The following TRERF1 variants were observed in gnomAD, a reference collection of about 807,000 sequenced individuals.
TRERF1 encodes the protein transcriptional regulating factor 1.
Under a neutral mutation model 122.9 loss-of-function variants are expected in TRERF1, and 27 were observed. The ratio of observed to expected loss-of-function variants is 0.22; its 90% CI spans 0.16 to 0.30. The LOEUF (loss-of-function observed/expected upper bound fraction) is 0.30. Among genes scored for constraint, TRERF1 ranks in the 10% least tolerant of loss-of-function variants. TRERF1 has a pLI of 1.00. For missense variants in TRERF1, 1,248 were observed against 1,560.3 expected, an observed-to-expected ratio of 0.80 and a Z score of 3.37; for synonymous variants, 636 against 641.7, an observed-to-expected ratio of 0.99 and a Z score of 0.13.
At chr6:42,243,346 C>T (rs1774106163) in exon 15 of TRERF1, 1 of 1,613,614 alleles carries the variant, frequency 6.2e-7, no homozygotes, top group Non-Finnish European at 8.5e-7. Context: ...CACTGAGCCA[C>T]CGTCTTGGAC....
intron 3 of TRERF1, among the ~76,000 whole-genome samples, chr6:42,308,193 G>C (rs976649231): frequency 6.6e-6 from 1 of 152,170 alleles, no homozygotes; most frequent in African/African-American, 2.4e-5. Flanking sequence ...ATTATTCACA[G>C]AGCTGAAAAG....
Position 42,232,616 on chromosome 6 carries a change from C to T in TRERF1, c.3278+65G>A. The T allele has an allele frequency of 1.3e-6, 2 of 1,485,714 alleles. No homozygotes were observed. The highest frequency in any genetic ancestry group is 1.8e-6 in the Non-Finnish European group (2 of 1,113,972). 92.0% of individuals were successfully genotyped at this position (1,485,714 alleles called of 1,614,324 possible). A position where few individuals can be genotyped will look rare whatever the true frequency, so the allele number is the denominator to read the frequency against. On this transcript the variant is annotated intron_variant, in intron 17 of 17. Transcript: ENST00000372922. This position sits in a 1 kb window ranked among gnomAD's most constrained non-coding sequence, Gnocchi z 4.5. ...TTGAAGAAACCTCAGGCCATCCTGGCCCAGCTCCCATAGAGCGACTACCCA... is the reference window on the plus strand; with the variant it reads ...TTGAAGAAACCTCAGGCCATCCTGGTCCAGCTCCCATAGAGCGACTACCCA...
intron 2 of TRERF1, among the ~76,000 whole-genome samples, chr6:42,413,362 A>G (rs1781386549): frequency 6.7e-6 from 1 of 150,100 alleles, no homozygotes; most frequent in African/African-American, 2.5e-5. Flanking sequence ...CCAAAGGTAG[A>G]CCCCATCTGG....
At chr6:42,284,967 C>CA (rs1004172247) in intron 4 of TRERF1, among the ~76,000 whole-genome samples, 1 of 149,202 alleles carries the variant, frequency 6.7e-6, no homozygotes, top group Non-Finnish European at 1.5e-5. Context: ...GTAAGCAGAC[C>CA]TTTTTTTTTT....
intron 3 of TRERF1, among the ~76,000 whole-genome samples, chr6:42,315,070 G>A (rs186771377): frequency 2.0e-5 from 3 of 152,282 alleles, no homozygotes; most frequent in East Asian, 1.9e-4. Flanking sequence ...AGGGATGAGC[G>A]TGCATGTGGC....
intron 3 of TRERF1, among the ~76,000 whole-genome samples, chr6:42,301,238 G>GT (rs869202870): frequency 5.3e-5 from 8 of 151,608 alleles, no homozygotes; most frequent in Admixed American, 2.0e-4. Context: ...GTTTTGTTTT[G>GT]TTTTTTTCTG....
chr6:42,353,898 G>A (rs1022252872), intron 3 of TRERF1, among the ~76,000 whole-genome samples: 14 of 152,314 alleles, frequency 9.2e-5, no homozygotes, highest in Non-Finnish European at 1.9e-4. Flanking sequence ...AATAAAAATC[G>A]TGATGGTAGT....
Position 42,258,086 on chromosome 6 carries a change from C to T in TRERF1, c.2336+49G>A, listed in dbSNP as rs1777090161. ...GACTACAAAAGTATTAACTATACTTCTCAAGAAGCTGAGGCTTCTGTTCTA... is the reference window on the plus strand; with the variant it reads ...GACTACAAAAGTATTAACTATACTTTTCAAGAAGCTGAGGCTTCTGTTCTA... On this transcript the variant is annotated intron_variant, in intron 10 of 17. Coordinates refer to ENST00000372922, the Ensembl canonical transcript of TRERF1. The T allele has an allele frequency of 3.4e-6, 5 of 1,489,464 alleles. No individual in the cohort carries two copies. The East Asian group carries it at 1.1e-4, about 34-fold the overall frequency. 92.3% of individuals were successfully genotyped at this position (1,489,464 alleles called of 1,614,324 possible). A position where few individuals can be genotyped will look rare whatever the true frequency, so the allele number is the denominator to read the frequency against.
chr6:42,337,943 G>C (rs893734665), intron 3 of TRERF1, among the ~76,000 whole-genome samples: 1 of 152,142 alleles, frequency 6.6e-6, no homozygotes, highest in African/African-American at 2.4e-5. Context: ...ACCAGCAACA[G>C]CAGCAGCAGC....
chr6:42,372,374 G>A (rs201607108), intron 2 of TRERF1, among the ~76,000 whole-genome samples: 2 of 152,034 alleles, frequency 1.3e-5, no homozygotes, highest in African/African-American at 4.8e-5. Flanking sequence ...CAACAGCTAC[G>A]GCTCTCACTG....
intron 3 of TRERF1, among the ~76,000 whole-genome samples, chr6:42,328,068 C>T (rs941098291): frequency 7.2e-6 from 1 of 138,802 alleles, no homozygotes; most frequent in East Asian, 2.1e-4. Flanking sequence ...GGCAGTGGTA[C>T]AATCTTGGCT....
At chr6:42,227,853 T>C (rs1211071497) in exon 18 of TRERF1, 1 of 152,396 alleles carries the variant, frequency 6.6e-6, no homozygotes, top group Non-Finnish European at 1.5e-5. Context: ...GCCCCTAGCA[T>C]AGTATCTCCA....
intron 4 of TRERF1, among the ~76,000 whole-genome samples, chr6:42,282,422 C>T (rs2150055731): frequency 6.6e-6 from 1 of 152,276 alleles, no homozygotes; most frequent in Non-Finnish European, 1.5e-5. Flanking sequence ...GTGGTGCACA[C>T]TTGTAGTCCC....
chr6:42,289,423 G>C (rs9394893), intron 4 of TRERF1, among the ~76,000 whole-genome samples: 57,799 of 150,062 alleles, frequency 0.39, 10,964 homozygotes, highest in African/African-American at 0.46. Flanking sequence ...GATCAAGGGT[G>C]AGCTAAGTTC....
intron 3 of TRERF1, among the ~76,000 whole-genome samples, chr6:42,342,657 A>C (rs73733150): frequency 0.063 from 9,659 of 152,290 alleles, 758 homozygotes; most frequent in East Asian, 0.18. Flanking sequence ...CTACAGTGTT[A>C]TCCACAAGTG....
chr6:42,256,161 G>A (rs1323773175), intron 12 of TRERF1, among the ~76,000 whole-genome samples: 1 of 148,898 alleles, frequency 6.7e-6, no homozygotes, highest in East Asian at 2.0e-4. Flanking sequence ...AGGAAGTCCA[G>A]GTTGAGCAGG....
At chr6:42,390,916 C>T (rs1465864133) in intron 2 of TRERF1, among the ~76,000 whole-genome samples, 1 of 152,176 alleles carries the variant, frequency 6.6e-6, no homozygotes, top group Non-Finnish European at 1.5e-5. Flanking sequence ...TCTCCAAACA[C>T]CTGCCCAAGC....
At chr6:42,299,541 A>G (rs939867748) in intron 4 of TRERF1, among the ~76,000 whole-genome samples, 1 of 152,246 alleles carries the variant, frequency 6.6e-6, no homozygotes, top group African/African-American at 2.4e-5. Context: ...ACCTCTCTCA[A>G]TAATTGATAG....
At chr6:42,371,309 G>C (rs796205498) in intron 2 of TRERF1, among the ~76,000 whole-genome samples, 3 of 152,296 alleles carry the variant, frequency 2.0e-5, no homozygotes, top group African/African-American at 7.2e-5. Context: ...GCAAAGAAGG[G>C]CCTAAACAAA....
Sources: allele counts gnomAD v4.1 joint callset (sites outside exome capture counted in the v4.1 genomes callset), GRCh38; gene constraint gnomAD v4.1.1; non-coding constraint Gnocchi (gnomAD v3.1); transcripts MANE v1.5; gene names NCBI Gene and HGNC (gene_info 2026-07-23, HGNC 2026-07-21).